Variants in FMO5 observed in about 807,000 individuals in gnomAD.
FMO5 encodes the protein flavin-containing monooxygenase 5.
Under a neutral mutation model 43.6 loss-of-function variants are expected in FMO5, and 51 were observed. That is an observed-to-expected ratio of 1.17 (90% CI 0.93 to 1.48). The LOEUF (loss-of-function observed/expected upper bound fraction) is 1.48, where lower values mean the gene tolerates loss of function less well. FMO5 is among the 40% of genes most tolerant of loss of function. FMO5 has a pLI of 0.00. For synonymous variants in FMO5, 187 were observed against 216.5 expected (o/e 0.86, Z 1.20); for missense variants, 644 against 643.0 (o/e 1.00, Z -0.02).
upstream of FMO5, among the ~76,000 whole-genome samples, chr1:147,226,696 T>A (rs1203330763): frequency 6.6e-6 from 1 of 152,224 alleles, no homozygotes; most frequent in East Asian, 1.9e-4. Flanking sequence ...GAGTCAATTT[T>A]GCTCTTCCAA....
chr1:147,216,074 C>A, intron 2 of FMO5, 132 bp from the exon 3 acceptor site: 1 of 633,882 alleles, frequency 1.6e-6, no homozygotes, highest in Non-Finnish European at 2.7e-6. Flanking sequence ...AGTATTTGTG[C>A]CCTTATGTAG....
chr1:147,195,363 C>A (rs1360041172), intron 7 of FMO5, among the ~76,000 whole-genome samples: 2 of 152,054 alleles, frequency 1.3e-5, no homozygotes, highest in Non-Finnish European at 2.9e-5. Context: ...GAACTCCTGA[C>A]CTCAGATGAT....
chr1:147,212,561 T>C (rs1553923969), intron 4 of FMO5, 26 bp from the exon 5 acceptor site: 1 of 1,603,136 alleles, frequency 6.2e-7, no homozygotes. Context: ...AAATAATTAT[T>C]GGGTAATGGT....
At position 147,186,819 on chromosome 1, in the gene FMO5, CTG is replaced by C; in HGVS notation, c.*79_*80del. On this transcript the variant is annotated 3_prime_UTR_variant, in exon 9 of 9. Transcript: ENST00000254090. ...AAGTAGATTTCTGGGCAATATGAAA[CTG>C]AGAGTCAATCTCGTCAGATTCTGAA... The C allele has an allele frequency of 6.6e-7, 1 of 1,519,998 alleles. No homozygotes were observed. Among genetic ancestry groups the C allele is most frequent in the Non-Finnish European group, 8.8e-7 (1 of 1,138,456 alleles). The allele number at this position is 1,519,998 out of a possible 1,614,324, so 94.2% of individuals were successfully genotyped here.
intron 2 of FMO5, among the ~76,000 whole-genome samples, chr1:147,216,488 A>G (rs17355969): frequency 0.024 from 3,685 of 152,306 alleles, 71 homozygotes; most frequent in South Asian, 0.095. Flanking sequence ...GTTTCCATAT[A>G]CTGGAAAGAG....
Position 147,212,526 on chromosome 1 carries a change from T to C in FMO5, c.497A>G (p.Lys166Arg). Residue 166 changes from lysine to arginine, a missense_variant, in exon 5 of 9, where the codon AAG becomes AGG. Physicochemically the swap from Lys to Arg is conservative, Grantham distance 26. Transcript: ENST00000254090. Reference protein sequence around the residue: ...LPLESFPGIEKFKGQYFHSRD... With the variant: ...LPLESFPGIERFKGQYFHSRD... ...ACTGTGGAAGTACTGCCCTTTGAAC[T>C]TCTCAATTCCTGCAAGAGAAGGGAA... 1.2e-6 allele frequency: 2 copies of C among 1,612,112 alleles called. No homozygotes were observed. Among genetic ancestry groups the C allele is most frequent in the Non-Finnish European group, 1.7e-6 (2 of 1,179,186 alleles).
intron 6 of FMO5, among the ~76,000 whole-genome samples, chr1:147,205,801 A>T (rs1171502393): frequency 4.6e-5 from 7 of 152,146 alleles, no homozygotes; most frequent in Non-Finnish European, 1.0e-4. Context: ...TAGACCTAAA[A>T]CCATAAAAAC....
intron 5 of FMO5, among the ~76,000 whole-genome samples, chr1:147,211,980 C>CA (rs1375003775): frequency 6.6e-6 from 1 of 152,200 alleles, no homozygotes; most frequent in Non-Finnish European, 1.5e-5. Flanking sequence ...TTCCAATGAT[C>CA]ACGCGTGCTT....
At chr1:147,226,264 C>A (rs1450953512), upstream of FMO5, among the ~76,000 whole-genome samples, 1 of 150,846 alleles carries the variant, frequency 6.6e-6, no homozygotes, top group Non-Finnish European at 1.5e-5. Context: ...CTCTCCTCCC[C>A]TCCTCACAAT....
At position 147,186,667 on chromosome 1, in the gene FMO5, A is replaced by G; in HGVS notation, c.*233T>C. 7.5e-7 allele frequency: 1 copy of G among 1,325,286 alleles called. No individual in the cohort carries two copies. Among genetic ancestry groups the G allele is most frequent in the Non-Finnish European group, 9.6e-7 (1 of 1,040,138 alleles). The allele number at this position is 1,325,286 out of a possible 1,614,324, so 82.1% of individuals were successfully genotyped here. A position where few individuals can be genotyped will look rare whatever the true frequency, so the allele number is the denominator to read the frequency against. Reference sequence around the variant, plus strand: ...TGACTAAAAGAGTACCTGAGCTCCCAGTCTAGGGATTACCACAAGGAAGAG... The same window carrying G: ...TGACTAAAAGAGTACCTGAGCTCCCGGTCTAGGGATTACCACAAGGAAGAG... On this transcript the variant is annotated 3_prime_UTR_variant, in exon 9 of 9. Coordinates refer to ENST00000254090, the MANE Select transcript of FMO5 (RefSeq NM_001461.4).
intron 2 of FMO5, among the ~76,000 whole-genome samples, chr1:147,220,979 A>G (rs1662914326): frequency 6.6e-6 from 1 of 151,144 alleles, no homozygotes; most frequent in South Asian, 2.1e-4. Flanking sequence ...TAATGTGGAT[A>G]GTATGTACCC....
chr1:147,196,304 T>G (rs1289179753), intron 7 of FMO5, among the ~76,000 whole-genome samples: 2 of 152,146 alleles, frequency 1.3e-5, no homozygotes, highest in African/African-American at 4.8e-5. Context: ...CATAAATCAA[T>G]TAGGAAACAC....
At chr1:147,192,855 A>T (rs1657148415) in intron 7 of FMO5, among the ~76,000 whole-genome samples, 1 of 152,142 alleles carries the variant, frequency 6.6e-6, no homozygotes. Context: ...CATCCCAGGG[A>T]TGAAGCCCAC....
rs1663853042 is a variant in FMO5 at position 147,225,307 on chromosome 1, A to G, written c.-58T>C. The G allele has an allele frequency of 1.7e-6, 1 of 584,848 alleles. No individual in the cohort carries two copies. Among genetic ancestry groups the G allele is most frequent in the Admixed American group, 3.5e-5 (1 of 28,744 alleles). 36.2% of individuals were successfully genotyped at this position (584,848 alleles called of 1,614,324 possible). A position where few individuals can be genotyped will look rare whatever the true frequency, so the allele number is the denominator to read the frequency against. ...CTCACCGCCTTTCCTGAAGCGCTCA[A>G]CAGATCCTTCAGCTGCGATCTGGAG... On this transcript the variant is annotated 5_prime_UTR_variant, in exon 1 of 9. Transcript: ENST00000254090.
intron 8 of FMO5, among the ~76,000 whole-genome samples, chr1:147,187,496 G>A (rs1465897479): frequency 1.3e-5 from 2 of 152,162 alleles, no homozygotes; most frequent in African/African-American, 4.8e-5. Context: ...AGAGGGGATA[G>A]TTAAAAGAGA....
At chr1:147,188,907 G>A (rs1196379704) in intron 8 of FMO5, among the ~76,000 whole-genome samples, 1 of 152,100 alleles carries the variant, frequency 6.6e-6, no homozygotes, top group Non-Finnish European at 1.5e-5. Context: ...ACTGCAAGAA[G>A]GAAGAAATGT....
At chr1:147,224,525 C>T (rs953403399) in intron 2 of FMO5, among the ~76,000 whole-genome samples, 4 of 151,560 alleles carry the variant, frequency 2.6e-5, no homozygotes, top group Non-Finnish European at 5.9e-5. Flanking sequence ...AATTTTTTTC[C>T]TTGAGACGGA....
chr1:147,193,855 C>A (rs1657404494), intron 7 of FMO5, among the ~76,000 whole-genome samples: 3 of 152,110 alleles, frequency 2.0e-5, no homozygotes, highest in African/African-American at 7.2e-5. Flanking sequence ...AGTTTCATTG[C>A]ACTGTGGTCT....
chr1:147,204,493 A>G, intron 6 of FMO5: 1 of 1,542,474 alleles, frequency 6.5e-7, no homozygotes, highest in South Asian at 1.1e-5. Flanking sequence ...AGAACAACGT[A>G]CCAAATTAGG....
Sources: allele counts gnomAD v4.1 joint callset (sites outside exome capture counted in the v4.1 genomes callset), GRCh38; gene constraint gnomAD v4.1.1; transcripts MANE v1.5; gene names NCBI Gene and HGNC (gene_info 2026-07-23, HGNC 2026-07-21).